PDZRN4: variants seen among roughly 807,000 people sequenced by gnomAD.
PDZRN4 encodes the protein PDZ domain-containing RING finger protein 4.
Under a neutral mutation model 99.0 loss-of-function variants are expected in PDZRN4, and 70 were observed. The ratio of observed to expected loss-of-function variants is 0.71; its 90% CI spans 0.58 to 0.86. The LOEUF (loss-of-function observed/expected upper bound fraction) is 0.86. PDZRN4 is among the 40% of genes least tolerant of loss of function. PDZRN4 has a pLI of 0.00. For missense variants in PDZRN4, 1,474 were observed against 1,331.2 expected, an observed-to-expected ratio of 1.11 and a Z score of -1.67; for synonymous variants, 551 against 501.6, an observed-to-expected ratio of 1.10 and a Z score of -1.32.
intron 3 of PDZRN4, among the ~76,000 whole-genome samples, chr12:41,257,162 C>A (rs1200761128): frequency 1.3e-5 from 2 of 152,158 alleles, no homozygotes; most frequent in Non-Finnish European, 2.9e-5. Flanking sequence ...CTCCTGAAAA[C>A]CCCTGAATGA....
At chr12:41,442,630 A>G (rs542671278) in intron 3 of PDZRN4, among the ~76,000 whole-genome samples, 11 of 152,252 alleles carry the variant, frequency 7.2e-5, no homozygotes, top group African/African-American at 2.6e-4. Flanking sequence ...TCTACTTTAT[A>G]TCTAACAGCT....
intron 3 of PDZRN4, among the ~76,000 whole-genome samples, chr12:41,502,092 T>C (rs1048000247): frequency 6.6e-6 from 1 of 152,164 alleles, no homozygotes; most frequent in Non-Finnish European, 1.5e-5. Flanking sequence ...TTGCCAATTC[T>C]GATAACCTCT....
chr12:41,217,691 C>T (rs1462905019), intron 3 of PDZRN4, among the ~76,000 whole-genome samples: 1 of 152,040 alleles, frequency 6.6e-6, no homozygotes, highest in Non-Finnish European at 1.5e-5. Flanking sequence ...TTCTCTACCA[C>T]AGCCTCCTCT....
chr12:41,404,758 G>A (rs577248553), intron 3 of PDZRN4, among the ~76,000 whole-genome samples: 116 of 147,848 alleles, frequency 7.8e-4, no homozygotes, highest in African/African-American at 2.8e-3. Context: ...AAAAAAAAGA[G>A]CATAGTACTG....
intron 7 of PDZRN4, among the ~76,000 whole-genome samples, chr12:41,556,306 T>G (rs976235901): frequency 1.3e-5 from 2 of 152,354 alleles, no homozygotes; most frequent in Admixed American, 1.3e-4. Context: ...TCACTTAATA[T>G]GTTTTGAGAA....
chr12:41,341,482 A>G (rs1223819229), intron 3 of PDZRN4, among the ~76,000 whole-genome samples: 1 of 151,866 alleles, frequency 6.6e-6, no homozygotes, highest in Non-Finnish European at 1.5e-5. Flanking sequence ...TGTTTGGACT[A>G]TTACATGAAT....
intron 2 of PDZRN4, 134 bp downstream of exon 2, chr12:41,191,678 C>A (rs561042812): frequency 2.4e-4 from 122 of 502,318 alleles, no homozygotes; most frequent in African/African-American, 2.3e-3. Flanking sequence ...GTGGTTTAAT[C>A]TTTAAAATTA....
intron 3 of PDZRN4, among the ~76,000 whole-genome samples, chr12:41,225,437 T>TC (rs1950986952): frequency 1.3e-5 from 2 of 151,380 alleles, no homozygotes; most frequent in Admixed American, 1.3e-4. Flanking sequence ...TACACTGTGT[T>TC]TTTTTTTTCT....
At chr12:41,382,751 A>G (rs543910124) in intron 3 of PDZRN4, among the ~76,000 whole-genome samples, 4 of 152,276 alleles carry the variant, frequency 2.6e-5, no homozygotes, top group African/African-American at 9.6e-5. Flanking sequence ...CATTCATGTA[A>G]TGTGTTTCTA....
At chr12:41,266,912 T>G (rs1366772658) in intron 3 of PDZRN4, among the ~76,000 whole-genome samples, 3 of 152,214 alleles carry the variant, frequency 2.0e-5, no homozygotes, top group Admixed American at 6.5e-5. Flanking sequence ...CTCTTTCCAA[T>G]TTTTTCACAG....
At chr12:41,424,742 G>GA (rs1952521193) in intron 3 of PDZRN4, among the ~76,000 whole-genome samples, 2 of 152,184 alleles carry the variant, frequency 1.3e-5, no homozygotes, top group African/African-American at 2.4e-5. Context: ...GCTCCTCTGA[G>GA]TGACTTTTCT....
At chr12:41,189,934 C>T (rs1376018071) in intron 1 of PDZRN4, among the ~76,000 whole-genome samples, 2 of 152,142 alleles carry the variant, frequency 1.3e-5, no homozygotes, top group East Asian at 1.9e-4. Flanking sequence ...CTGGTCCTCC[C>T]GCCGGCTTTC....
intron 3 of PDZRN4, among the ~76,000 whole-genome samples, chr12:41,364,939 T>A (rs534012685): frequency 3.5e-4 from 53 of 152,236 alleles, no homozygotes; most frequent in African/African-American, 1.2e-3. Flanking sequence ...ATCCTGGATG[T>A]TAACATGCAT....
chr12:41,291,353 G>A (rs139055076), intron 3 of PDZRN4, among the ~76,000 whole-genome samples: 2,173 of 152,172 alleles, frequency 0.014, 61 homozygotes, highest in African/African-American at 0.049. Context: ...GAAGGCCTTC[G>A]TGAGCATGGT....
chr12:41,322,762 CT>C (rs1282929639), intron 3 of PDZRN4, among the ~76,000 whole-genome samples: 1 of 152,050 alleles, frequency 6.6e-6, no homozygotes. Context: ...TCCCAAAGTG[CT>C]GGGATTACAG....
In PDZRN4 at chr12:41,555,652, G is replaced by A. The variant is rs111408112; in HGVS notation, c.1303-46G>A. ...AAAGCCATATTTTTAAGTTCTTGAG[G>A]GAATGTTTCATACCCAGTTGAAGAT... On this transcript the variant is annotated intron_variant, in intron 6 of 9. Transcript: ENST00000402685. 1,924 of 1,415,974 alleles carry A rather than the reference G, an allele frequency of 1.4e-3. 25 individuals carry two copies. The African/African-American group carries it at 0.025, about 18-fold the overall frequency. The allele number at this position is 1,415,974 out of a possible 1,614,324, so 87.7% of individuals were successfully genotyped here.
At chr12:41,450,979 T>C (rs1224960269) in intron 3 of PDZRN4, among the ~76,000 whole-genome samples, 1 of 151,654 alleles carries the variant, frequency 6.6e-6, no homozygotes, top group East Asian at 1.9e-4. Flanking sequence ...TATATTACTA[T>C]ATATATATAA....
intron 3 of PDZRN4, among the ~76,000 whole-genome samples, chr12:41,201,137 C>T (rs1226423369): frequency 1.4e-5 from 2 of 147,512 alleles, no homozygotes; most frequent in Admixed American, 6.9e-5. Flanking sequence ...CAAAAATAGC[C>T]GTTTGAAATC....
At chr12:41,301,074 A>G (rs57905058) in intron 3 of PDZRN4, among the ~76,000 whole-genome samples, 1,608 of 152,080 alleles carry the variant, frequency 0.011, 27 homozygotes, top group African/African-American at 0.037. Flanking sequence ...TTTTGATATC[A>G]TCTCTGTCCT....
Sources: allele counts gnomAD v4.1 joint callset (sites outside exome capture counted in the v4.1 genomes callset), GRCh38; gene constraint gnomAD v4.1.1; transcripts MANE v1.5; gene names NCBI Gene and HGNC (gene_info 2026-07-23, HGNC 2026-07-21).